IGF2BP2: variants seen among roughly 807,000 people sequenced by gnomAD.
The protein encoded by IGF2BP2 is insulin like growth factor 2 mRNA binding protein 2, also known as insulin-like growth factor 2 mRNA-binding protein 2.
Under a neutral mutation model 75.8 loss-of-function variants are expected in IGF2BP2, and 17 were observed. The observed-to-expected ratio is 0.22, with a 90% CI of 0.15 to 0.34. The LOEUF (loss-of-function observed/expected upper bound fraction) is 0.34. Among genes scored for constraint, IGF2BP2 ranks in the 10% least tolerant of loss-of-function variants. IGF2BP2 has a pLI of 1.00. For missense variants in IGF2BP2, 516 were observed against 772.4 expected (o/e 0.67, Z 3.93); for synonymous variants, 288 against 295.6 (o/e 0.97, Z 0.26).
chr3:185,742,177 C>G (rs1729640188), intron 2 of IGF2BP2, among the ~76,000 whole-genome samples: 1 of 140,652 alleles, frequency 7.1e-6, no homozygotes, highest in African/African-American at 2.8e-5. Context: ...ACAGTGAGAG[C>G]CCACCTCTTA....
chr3:185,760,463 C>T (rs1732208346), intron 2 of IGF2BP2, among the ~76,000 whole-genome samples: 1 of 152,190 alleles, frequency 6.6e-6, no homozygotes, highest in Non-Finnish European at 1.5e-5. Flanking sequence ...ATTCACAAAG[C>T]TGTGCAGTGA....
In IGF2BP2 at chr3:185,710,022, A is replaced by G. The variant is rs537503401; in HGVS notation, c.240-11675T>C. Among the ~76,000 whole-genome samples the G allele has an allele frequency of 2.2e-4, 33 of 152,360 alleles. 1 individual carries two copies. In the East Asian group the frequency reaches 5.8e-3, roughly 27 times the overall value. On this transcript the variant is annotated intron_variant, in intron 2 of 15. Coordinates refer to ENST00000382199, the MANE Select transcript of IGF2BP2 (RefSeq NM_006548.6). ...GCACTTATGTTAGGTGTTGGGGTAC[A>G]GTAGTGAACAGAACAAAAATAGGAC... is the stretch of plus-strand genomic sequence containing the variant.
intron 1 of IGF2BP2, among the ~76,000 whole-genome samples, chr3:185,824,513 G>A (rs547369689): frequency 1.1e-4 from 16 of 151,566 alleles, no homozygotes; most frequent in Middle Eastern, 3.4e-3. Context: ...CTAAGGAGCC[G>A]GCGAGCCTCG....
chr3:185,792,470 G>A (rs1191484736), intron 2 of IGF2BP2, among the ~76,000 whole-genome samples: 1 of 147,432 alleles, frequency 6.8e-6, no homozygotes, highest in Non-Finnish European at 1.5e-5. Context: ...TTTTTTTTTT[G>A]TAAAAAATAA....
intron 2 of IGF2BP2, among the ~76,000 whole-genome samples, chr3:185,729,158 T>A (rs1430711070): frequency 6.6e-6 from 1 of 152,160 alleles, no homozygotes; most frequent in Non-Finnish European, 1.5e-5. Flanking sequence ...TTTAAAATAT[T>A]TGGTGTGACA....
intron 4 of IGF2BP2, among the ~76,000 whole-genome samples, chr3:185,694,135 C>T (rs1450705219): frequency 1.3e-5 from 2 of 152,196 alleles, no homozygotes; most frequent in African/African-American, 4.8e-5. Context: ...CCGAGCCCAG[C>T]TCTGGCCTTG....
chr3:185,648,891 G>A (rs1303805689), intron 14 of IGF2BP2, among the ~76,000 whole-genome samples: 2 of 152,150 alleles, frequency 1.3e-5, no homozygotes, highest in East Asian at 3.9e-4. Context: ...CCTGTGGAGG[G>A]GGAGTTAGGG....
intron 2 of IGF2BP2, among the ~76,000 whole-genome samples, chr3:185,797,832 C>T (rs182865901): frequency 1.3e-4 from 19 of 142,678 alleles, no homozygotes; most frequent in African/African-American, 4.2e-4. Flanking sequence ...GTGAGCCTGG[C>T]GAGGTCAAGG....
chr3:185,706,457 C>T (rs990440224), intron 2 of IGF2BP2, among the ~76,000 whole-genome samples: 3 of 152,056 alleles, frequency 2.0e-5, no homozygotes, highest in Non-Finnish European at 4.4e-5. Context: ...AGTGAGTCAA[C>T]GGATCATTAG....
chr3:185,657,508 C>T, intron 11 of IGF2BP2, 106 bp from the exon 12 acceptor site: 1 of 836,298 alleles, frequency 1.2e-6, no homozygotes, highest in Non-Finnish European at 1.9e-6. Flanking sequence ...GTGGGAAGGC[C>T]CCGCCACCCA....
intron 7 of IGF2BP2, among the ~76,000 whole-genome samples, chr3:185,682,075 T>TA (rs1044724899): frequency 2.0e-5 from 3 of 152,198 alleles, no homozygotes; most frequent in African/African-American, 7.2e-5. Context: ...TACATCAACT[T>TA]AAAAACTTTT....
At chr3:185,713,104 A>C (rs1309214530) in intron 2 of IGF2BP2, 1 of 258,902 alleles carries the variant, frequency 3.9e-6, no homozygotes. Context: ...GTGTGTGTGC[A>C]AGAGACATAT....
At chr3:185,699,878 T>C (rs1026377470) in intron 2 of IGF2BP2, among the ~76,000 whole-genome samples, 2 of 152,206 alleles carry the variant, frequency 1.3e-5, no homozygotes, top group Admixed American at 6.5e-5. Flanking sequence ...ATGACTTAGA[T>C]TGTTTCTTGT....
In IGF2BP2 at chr3:185,775,349, C is replaced by T. The variant is rs373690816; in HGVS notation, c.239+47804G>A. Reference sequence around the variant, plus strand: ...CATTCAGCAAACATTTCAATGAACACTTATGATATCTTATATGTGGCTAAA... The same window carrying T: ...CATTCAGCAAACATTTCAATGAACATTTATGATATCTTATATGTGGCTAAA... On this transcript the variant is annotated intron_variant, in intron 2 of 15. Coordinates refer to ENST00000382199, the MANE Select transcript of IGF2BP2 (RefSeq NM_006548.6). 2.6e-5 allele frequency among the ~76,000 whole-genome samples: 4 copies of T among 152,324 alleles called. No homozygotes were observed. The South Asian group carries it at 6.2e-4, about 24-fold the overall frequency.
intron 2 of IGF2BP2, among the ~76,000 whole-genome samples, chr3:185,793,203 T>A (rs1736879202): frequency 6.6e-6 from 1 of 152,160 alleles, no homozygotes; most frequent in South Asian, 2.1e-4. Context: ...AGGTGTGGTG[T>A]GGCAGAAAGA....
chr3:185,701,597 T>A (rs1350086936), intron 2 of IGF2BP2, among the ~76,000 whole-genome samples: 1 of 152,320 alleles, frequency 6.6e-6, no homozygotes, highest in East Asian at 1.9e-4. Context: ...AAATACTAAC[T>A]GAATGCATCT....
At chr3:185,665,407 GAAAAGGAGGAGAAGGAGA>G (rs1717277864) in intron 10 of IGF2BP2, among the ~76,000 whole-genome samples, 3 of 68,940 alleles carry the variant, frequency 4.4e-5, no homozygotes, top group Non-Finnish European at 6.1e-5. Flanking sequence ...GGAGGAGAAG[GAAAAGGAGGAGAAGGAGA>G]AGGAGGAGGA....
chr3:185,768,701 T>C (rs565154705), intron 2 of IGF2BP2, among the ~76,000 whole-genome samples: 12 of 152,286 alleles, frequency 7.9e-5, no homozygotes, highest in African/African-American at 2.9e-4. Flanking sequence ...TGCTTTCACT[T>C]TGAAGCTTCT....
chr3:185,731,246 C>CTTTTTTTTTT (rs760172663), intron 2 of IGF2BP2, among the ~76,000 whole-genome samples: 84 of 129,238 alleles, frequency 6.5e-4, no homozygotes, highest in African/African-American at 2.1e-3. Context: ...GCATCACTTT[C>CTTTTTTTTTT]TTTTTTTTTT....
Sources: allele counts gnomAD v4.1 joint callset (sites outside exome capture counted in the v4.1 genomes callset), GRCh38; gene constraint gnomAD v4.1.1; transcripts MANE v1.5; gene names NCBI Gene and HGNC (gene_info 2026-07-23, HGNC 2026-07-21).